TRIB2: variants seen among roughly 807,000 people sequenced by gnomAD.
The protein encoded by TRIB2 is tribbles pseudokinase 2.
TRIB2 carries 2 observed loss-of-function variants against 26.8 expected under a neutral mutation model. The ratio of observed to expected loss-of-function variants is 0.07; its 90% confidence interval spans 0.03 to 0.24. TRIB2 has a LOEUF of 0.24. Among genes scored for constraint, TRIB2 ranks in the 10% least tolerant of loss-of-function variants. TRIB2 has a pLI of 1.00. For synonymous variants in TRIB2, 189 were observed against 187.3 expected (o/e 1.01, Z -0.08); for missense variants, 306 against 449.0 (o/e 0.68, Z 2.88).
intron 2 of TRIB2, among the ~76,000 whole-genome samples, chr2:12,733,105 CT>C (rs1164847186): frequency 6.6e-6 from 1 of 151,698 alleles, no homozygotes; most frequent in African/African-American, 2.4e-5. Flanking sequence ...TATTTTTGAT[CT>C]TGTGGATTGA....
In TRIB2 at chr2:12,718,528, A is replaced by G. The variant is rs1178642221; in HGVS notation, c.221A>G (p.His74Arg). 6.2e-7 allele frequency: 1 copy of G among 1,614,020 alleles called. No individual in the cohort carries two copies. Among genetic ancestry groups the G allele is most frequent in the African/African-American group, 1.3e-5 (1 of 74,926 alleles). Residue 74 changes from histidine to arginine, a missense_variant, in exon 1 of 3, where the codon CAC (histidine) becomes CGC (arginine). By Grantham distance (29) the His-to-Arg change is conservative. Transcript: ENST00000155926. This position sits in a 1 kb window ranked among gnomAD's most constrained non-coding sequence, Gnocchi z 4.0. Reference protein sequence around the residue: ...YLLLEPLEGDHVFRAVHLHSG... With the variant: ...YLLLEPLEGDRVFRAVHLHSG... ...TTGTTGGAACCTCTGGAGGGAGACC[A>G]CGTTTTTCGTGCCGTGCATCTGCAC... is the stretch of plus-strand genomic sequence containing the variant.
At chr2:12,728,436 G>A (rs1331033745) in intron 2 of TRIB2, among the ~76,000 whole-genome samples, 1 of 152,162 alleles carries the variant, frequency 6.6e-6, no homozygotes, top group East Asian at 1.9e-4. Context: ...AGGTGGGTGG[G>A]GCCTTGTTAC....
chr2:12,718,687 C>T lies in TRIB2; in HGVS notation c.270+110C>T. The T allele has an allele frequency of 7.2e-7, 1 of 1,379,336 alleles. No individual in the cohort carries two copies. The highest frequency in any genetic ancestry group is 9.8e-7 in the Non-Finnish European group (1 of 1,023,498). The allele number at this position is 1,379,336 out of a possible 1,614,324, so 85.4% of individuals were successfully genotyped here. On this transcript the variant is annotated intron_variant, in intron 1 of 2. Coordinates refer to ENST00000155926, the MANE Select transcript of TRIB2 (RefSeq NM_021643.4). The surrounding 1 kb of genome is among the most constrained non-coding windows in gnomAD (Gnocchi z 4.0). ...AGATTCGCGGGATAATTACCGTGGCCTTATTAAATGGGTTTATTTATTTAT... is the reference window on the plus strand; with the variant it reads ...AGATTCGCGGGATAATTACCGTGGCTTTATTAAATGGGTTTATTTATTTAT...
chr2:12,724,482 C>A, intron 2 of TRIB2: 1 of 1,361,354 alleles, frequency 7.3e-7, no homozygotes, highest in Non-Finnish European at 9.9e-7. Flanking sequence ...ACCGTAGTTC[C>A]TGAATGAGGC....
intron 2 of TRIB2, among the ~76,000 whole-genome samples, chr2:12,727,097 AT>A (rs764828508): frequency 8.5e-5 from 13 of 152,204 alleles, no homozygotes; most frequent in Non-Finnish European, 1.5e-4. Flanking sequence ...TTCTGTTTCC[AT>A]TTTACTTTGA....
Position 12,740,963 on chromosome 2 carries a change from G to T in TRIB2, c.*169G>T. ...AAGGAGCTGACTGACCACGTAGCAT[G>T]GGGGCAAGAGGCGTGGGATGGGGAT... On this transcript the variant is annotated 3_prime_UTR_variant, in exon 3 of 3. Coordinates refer to ENST00000155926, the MANE Select transcript of TRIB2 (RefSeq NM_021643.4). This position sits in a 1 kb window ranked among gnomAD's most constrained non-coding sequence, Gnocchi z 5.8. 2 of 645,532 alleles carry T rather than the reference G, an allele frequency of 3.1e-6. No individual in the cohort carries two copies. The highest frequency in any genetic ancestry group is 5.3e-6 in the Non-Finnish European group (2 of 380,324). 40.0% of individuals were successfully genotyped at this position (645,532 alleles called of 1,614,324 possible).
rs2103255938 is a variant in TRIB2, at chr2:12,732,007, TG to T, written c.564-8317del. 6.6e-6 allele frequency among the ~76,000 whole-genome samples: 1 copy of T among 152,288 alleles called. No homozygotes were observed. The highest frequency in any genetic ancestry group is 1.9e-4 in the East Asian group (1 of 5,178). On this transcript the variant is annotated intron_variant, in intron 2 of 2. Transcript: ENST00000155926. The surrounding 1 kb of genome is among the most constrained non-coding windows in gnomAD (Gnocchi z 4.2). Reference sequence around the variant, plus strand: ...TGAAAGTCTCAATGCAGGGAGTGAATGGAGCATTGATGAGGAATTCCTGTCA... The same window carrying T: ...TGAAAGTCTCAATGCAGGGAGTGAATGAGCATTGATGAGGAATTCCTGTCA...
chr2:12,735,432 C>A lies in TRIB2; in HGVS notation c.564-4894C>A, dbSNP rs183913619. 4.5e-4 allele frequency among the ~76,000 whole-genome samples: 69 copies of A among 152,150 alleles called. 1 individual carries two copies. Among genetic ancestry groups the A allele is most frequent in the African/African-American group, 1.6e-3 (65 of 41,532 alleles). ...TGATGGAGCCTAGTGAACTGAGCAA[C>A]CCTGGTGTGGTTTCCTCCGCCAGCT... On this transcript the variant is annotated intron_variant, in intron 2 of 2. Transcript: ENST00000155926.
chr2:12,717,866 C>G lies in TRIB2; in HGVS notation c.-442C>G, dbSNP rs1013672910. 8.7e-6 allele frequency: 2 copies of G among 230,026 alleles called. No homozygotes were observed. The highest frequency in any genetic ancestry group is 5.2e-5 in the Admixed American group (1 of 19,078). The allele number at this position is 230,026 out of a possible 1,614,324, so 14.2% of individuals were successfully genotyped here. The stretch of plus-strand genomic sequence containing the variant: ...GGGACTGAGTCGCCGCCGTGAGCTC[C>G]CCGAAGACTGCACAAACTACCGCGG... On this transcript the variant is annotated 5_prime_UTR_variant, in exon 1 of 3. Transcript: ENST00000155926. This position sits in a 1 kb window ranked among gnomAD's most constrained non-coding sequence, Gnocchi z 4.8.
In TRIB2 at chr2:12,724,754, T is replaced by G. The variant is rs535798496; in HGVS notation, c.563+1202T>G. 7 of 1,612,928 alleles carry G rather than the reference T, an allele frequency of 4.3e-6. No homozygotes were observed. The South Asian group carries it at 6.6e-5, about 15-fold the overall frequency. On this transcript the variant is annotated intron_variant, in intron 2 of 2. Transcript: ENST00000155926. ...ACCAGCCTCATATTTCTCCTTCTGTTACCTTCTGTATGCTGTATTGGCTCT... is the reference window on the plus strand; with the variant it reads ...ACCAGCCTCATATTTCTCCTTCTGTGACCTTCTGTATGCTGTATTGGCTCT...
intron 1 of TRIB2, among the ~76,000 whole-genome samples, chr2:12,719,305 A>G (rs1219341298): frequency 6.6e-6 from 1 of 152,022 alleles, no homozygotes; most frequent in African/African-American, 2.4e-5. Context: ...CTGTAAGGTT[A>G]AGAGGCTCCC....
intron 2 of TRIB2, among the ~76,000 whole-genome samples, chr2:12,735,157 C>A (rs1306318352): frequency 6.6e-6 from 1 of 152,208 alleles, no homozygotes; most frequent in African/African-American, 2.4e-5. Flanking sequence ...GTAATCCAGA[C>A]CAGTTGCCTT....
In TRIB2 at chr2:12,740,943, G is replaced by C; in HGVS notation, c.*149G>C. 1 of 747,566 alleles carries C rather than the reference G, an allele frequency of 1.3e-6. No homozygotes were observed. Among genetic ancestry groups the C allele is most frequent in the South Asian group, 1.9e-5 (1 of 52,726 alleles). The allele number at this position is 747,566 out of a possible 1,614,324, so 46.3% of individuals were successfully genotyped here. On this transcript the variant is annotated 3_prime_UTR_variant, in exon 3 of 3. Coordinates refer to ENST00000155926, the MANE Select transcript of TRIB2 (RefSeq NM_021643.4). The surrounding 1 kb of genome is among the most constrained non-coding windows in gnomAD (Gnocchi z 5.8). ...TTCAGAGCAGGAAAACCTTCAAGGA[G>C]CTGACTGACCACGTAGCATGGGGGC...
Position 12,735,183 on chromosome 2 carries a change from G to A in TRIB2, c.564-5143G>A, listed in dbSNP as rs566501689. 4.6e-5 allele frequency among the ~76,000 whole-genome samples: 7 copies of A among 152,336 alleles called. No individual in the cohort carries two copies. In the South Asian group the frequency reaches 1.2e-3, roughly 27 times the overall value. On this transcript the variant is annotated intron_variant, in intron 2 of 2. Transcript: ENST00000155926. ...CAGTTGCCTTGACCCTTGCCTAGAA[G>A]TTTTGTAAACAAGTTCACAGTGTTC...
Position 12,740,561 on chromosome 2 carries a change from C to T in TRIB2, c.799C>T (p.Arg267Trp), listed in dbSNP as rs770239256. Residue 267 changes from arginine to tryptophan, a missense_variant, in exon 3 of 3, where the codon CGG (arginine) becomes TGG (tryptophan). By Grantham distance (101) the Arg-to-Trp change is moderately radical. This residue lies in a region of TRIB2 where 78 missense variants were observed against 104.9 expected (regional missense o/e 0.74). Coordinates refer to ENST00000155926, the MANE Select transcript of TRIB2 (RefSeq NM_021643.4). The surrounding 1 kb of genome is among the most constrained non-coding windows in gnomAD (Gnocchi z 5.8). ...IEPSSLFSKI[R>W]RGQFNIPETL... ...ACCCAGCTCCCTCTTCAGCAAGATC[C>T]GGCGTGGCCAGTTCAACATTCCAGA... 2.5e-6 allele frequency: 4 copies of T among 1,614,148 alleles called. No individual in the cohort carries two copies. The highest frequency in any genetic ancestry group is 1.7e-5 in the Admixed American group (1 of 60,018).
chr2:12,735,712 C>T (rs1440262820), intron 2 of TRIB2, among the ~76,000 whole-genome samples: 2 of 152,086 alleles, frequency 1.3e-5, no homozygotes, highest in Non-Finnish European at 2.9e-5. Context: ...GATCTTGAAC[C>T]CAGGTCTCTG....
At chr2:12,723,579 G>C in intron 2 of TRIB2, 27 bp downstream of exon 2, 1 of 1,604,420 alleles carries the variant, frequency 6.2e-7, no homozygotes, top group Non-Finnish European at 8.5e-7. Context: ...CCAGACCTGG[G>C]TACTGTGATG....
chr2:12,727,512 A>G (rs1172746296), intron 2 of TRIB2, among the ~76,000 whole-genome samples: 2 of 152,198 alleles, frequency 1.3e-5, no homozygotes, highest in African/African-American at 4.8e-5. Context: ...CCTGGTCTGG[A>G]ACCTGAGGCT....
Position 12,718,397 on chromosome 2 carries a change from A to G in TRIB2, c.90A>G (p.Ile30Met), listed in dbSNP as rs767077120. ...AGGATTTCGAAGAGTTGTCGTCTAT[A>G]AGGTCCGCGGAGCCCAGCCAGAGTT... ...KTQDFEELSS[I>M]RSAEPSQSFS... The change falls in exon 1 of 3, where the codon ATA becomes ATG. Residue 30 changes from isoleucine to methionine, a missense_variant. Transcript: ENST00000155926. The surrounding 1 kb of genome is among the most constrained non-coding windows in gnomAD (Gnocchi z 4.0). 1.2e-6 allele frequency: 2 copies of G among 1,614,144 alleles called. No homozygotes were observed. The highest frequency in any genetic ancestry group is 1.7e-6 in the Non-Finnish European group (2 of 1,180,014).
Sources: gnomAD v4.1 joint callset for allele counts (sites outside exome capture counted in the v4.1 genomes callset) on GRCh38, gnomAD v4.1.1 for gene constraint, gnomAD v4.1.1 regional missense constraint, Gnocchi (gnomAD v3.1) non-coding constraint, MANE v1.5 for transcripts, NCBI Gene and HGNC (gene_info 2026-07-23, HGNC 2026-07-21) for gene names.